NPEPPS: variants seen among roughly 807,000 people sequenced by gnomAD.
NPEPPS encodes the protein aminopeptidase puromycin sensitive.
Under a neutral mutation model 115.5 loss-of-function variants are expected in NPEPPS, and 14 were observed. The ratio of observed to expected loss-of-function variants is 0.12; its 90% CI spans 0.08 to 0.19. NPEPPS has a LOEUF of 0.19. Among genes scored for constraint, NPEPPS ranks in the 10% least tolerant of loss-of-function variants. The pLI, the probability that NPEPPS is intolerant of heterozygous loss-of-function variation, is 1.00. For missense variants in NPEPPS, 523 were observed against 1,110.8 expected (o/e 0.47, Z 7.52); for synonymous variants, 285 against 390.6 (o/e 0.73, Z 3.19).
chr17:47,574,872 T>A (rs1911417549), intron 3 of NPEPPS, among the ~76,000 whole-genome samples: 1 of 152,112 alleles, frequency 6.6e-6, no homozygotes, highest in South Asian at 2.1e-4. Flanking sequence ...TCCTCCCAAA[T>A]GTTGAGATTA....
chr17:47,590,912 G>C, intron 10 of NPEPPS, 31 bp downstream of exon 10: 1 of 1,504,918 alleles, frequency 6.6e-7, no homozygotes, highest in Non-Finnish European at 8.9e-7. Context: ...ATTAGCCTAT[G>C]ACTGCTCTCA....
intron 3 of NPEPPS, among the ~76,000 whole-genome samples, chr17:47,570,248 C>T (rs1279688353): frequency 6.6e-6 from 1 of 152,090 alleles, no homozygotes; most frequent in Non-Finnish European, 1.5e-5. Flanking sequence ...ATGGCAAAAC[C>T]CCATCTCTAC....
At chr17:47,614,540 G>T (rs1297708081) in intron 19 of NPEPPS, among the ~76,000 whole-genome samples, 1 of 152,158 alleles carries the variant, frequency 6.6e-6, no homozygotes, top group African/African-American at 2.4e-5. Context: ...AGTTTTCCCA[G>T]AGTAATTGGC....
intron 2 of NPEPPS, among the ~76,000 whole-genome samples, chr17:47,556,823 T>C (rs1184116611): frequency 6.6e-6 from 1 of 152,190 alleles, no homozygotes; most frequent in East Asian, 1.9e-4. Context: ...TTTGTATTTT[T>C]AGTAGAGATG....
intron 13 of NPEPPS, 82 bp downstream of exon 13, chr17:47,596,544 C>CT (rs1225743971): frequency 1.5e-5 from 12 of 798,268 alleles, no homozygotes; most frequent in East Asian, 3.0e-5. Context: ...CTTTTCTGTA[C>CT]TTTAAGTTTT....
At chr17:47,608,222 AG>A (rs957376713) in intron 17 of NPEPPS, among the ~76,000 whole-genome samples, 7 of 152,258 alleles carry the variant, frequency 4.6e-5, no homozygotes, top group African/African-American at 1.4e-4. Context: ...TGGAAGGCTG[AG>A]GGGGGTGGAA....
chr17:47,603,294 C>T (rs1249911765), intron 15 of NPEPPS, among the ~76,000 whole-genome samples: 1 of 152,094 alleles, frequency 6.6e-6, no homozygotes, highest in East Asian at 1.9e-4. Flanking sequence ...TGCCTGTAAT[C>T]CCAGCTGCTT....
chr17:47,621,149 C>G (rs897600031), intron 22 of NPEPPS, among the ~76,000 whole-genome samples: 2 of 140,262 alleles, frequency 1.4e-5, no homozygotes, highest in Non-Finnish European at 3.0e-5. Flanking sequence ...TCATTGCACT[C>G]TAGCCTGGGC....
rs1216091991 is a variant in NPEPPS at position 47,612,620 on chromosome 17, A to G, written c.2238+18A>G. 1 of 1,608,212 alleles carries G rather than the reference A, an allele frequency of 6.2e-7. No homozygotes were observed. Among genetic ancestry groups the G allele is most frequent in the Admixed American group, 1.7e-5 (1 of 59,448 alleles). On this transcript the variant is annotated intron_variant, in intron 18 of 22. Coordinates refer to ENST00000322157, the MANE Select transcript of NPEPPS (RefSeq NM_006310.4). ...GGAGTCCTGTAGGTTTTCATCATAA[A>G]TTCCCTTGACTTATAGGTAACATCA...
chr17:47,573,015 A>T (rs1911293904), intron 3 of NPEPPS, among the ~76,000 whole-genome samples: 2 of 152,258 alleles, frequency 1.3e-5, no homozygotes, highest in South Asian at 4.1e-4. Context: ...ACCTTAGGTG[A>T]TCTGCCCACT....
intron 1 of NPEPPS, 117 bp downstream of exon 1, chr17:47,531,672 G>T (rs2078216082): frequency 8.0e-7 from 1 of 1,248,258 alleles, no homozygotes; most frequent in Non-Finnish European, 1.0e-6. Flanking sequence ...GGGCTGGGCG[G>T]CCGCAGGGCG....
chr17:47,602,553 G>A (rs1230376571), intron 15 of NPEPPS, among the ~76,000 whole-genome samples: 2 of 149,744 alleles, frequency 1.3e-5, no homozygotes, highest in Non-Finnish European at 1.5e-5. Context: ...CAGGAGAATC[G>A]CTTGAACCCA....
In NPEPPS at chr17:47,540,561, A is replaced by T. The variant is rs1182230013; in HGVS notation, c.256-5348A>T. The stretch of plus-strand genomic sequence containing the variant: ...AGCACATACACTTATGTCCAAACAG[A>T]TATTTTAAATTACCTTCTTGGGGTA... On this transcript the variant is annotated intron_variant, in intron 1 of 22. Transcript: ENST00000322157. Among the ~76,000 whole-genome samples, 5 of 152,344 alleles carry T rather than the reference A, an allele frequency of 3.3e-5. No homozygotes were observed. The South Asian group carries it at 1.0e-3, about 32-fold the overall frequency.
intron 12 of NPEPPS, 61 bp from the exon 13 acceptor site, chr17:47,596,292 T>C (rs2069883806): frequency 9.3e-6 from 10 of 1,075,108 alleles, no homozygotes; most frequent in Middle Eastern, 2.1e-4. Context: ...AAATAAAATT[T>C]CTTTTTTGTT....
intron 1 of NPEPPS, among the ~76,000 whole-genome samples, chr17:47,538,841 T>G (rs1027192945): frequency 6.6e-6 from 1 of 152,204 alleles, no homozygotes; most frequent in Non-Finnish European, 1.5e-5. Context: ...CTGTATCTGT[T>G]CTTTAAAGTT....
intron 1 of NPEPPS, among the ~76,000 whole-genome samples, chr17:47,523,849 T>A (rs527706997): frequency 6.6e-6 from 1 of 152,322 alleles, no homozygotes; most frequent in Non-Finnish European, 1.5e-5. Context: ...TGCTAGGACT[T>A]GTTTTAGGTC....
rs945076398 is a variant in NPEPPS, at chr17:47,603,691, G to T, written c.1741-224G>T. ...TTGTCCCTTCCTTGTTCTTTCTACT[G>T]TCCCTCACTTTGGCCCTCACAATTT... On this transcript the variant is annotated intron_variant, in intron 15 of 22. Coordinates refer to ENST00000322157, the MANE Select transcript of NPEPPS (RefSeq NM_006310.4). 4 of 414,986 alleles carry T rather than the reference G, an allele frequency of 9.6e-6. No homozygotes were observed. The Admixed American group carries it at 1.2e-4, about 13-fold the overall frequency. 25.7% of individuals were successfully genotyped at this position (414,986 alleles called of 1,614,324 possible). A position where few individuals can be genotyped will look rare whatever the true frequency, so the allele number is the denominator to read the frequency against.
chr17:47,617,439 C>G (rs2143980842), intron 19 of NPEPPS, among the ~76,000 whole-genome samples: 1 of 152,104 alleles, frequency 6.6e-6, no homozygotes, highest in East Asian at 1.9e-4. Flanking sequence ...CTCACTGCAA[C>G]CTCCACCTCA....
At position 47,602,118 on chromosome 17, in the gene NPEPPS, A is replaced by G. The variant is rs1913236548; in HGVS notation, c.1740+371A>G. 1.6e-5 allele frequency: 3 copies of G among 183,518 alleles called. No homozygotes were observed. In the Admixed American group the frequency reaches 1.7e-4, roughly 11 times the overall value. 11.4% of individuals were successfully genotyped at this position (183,518 alleles called of 1,614,324 possible). A position where few individuals can be genotyped will look rare whatever the true frequency, so the allele number is the denominator to read the frequency against. ...ATGTGTACTACTGTAATCTAATGAG[A>G]GCAGACATACATAATAATCGGTTCG... On this transcript the variant is annotated intron_variant, in intron 15 of 22. Coordinates refer to ENST00000322157, the MANE Select transcript of NPEPPS (RefSeq NM_006310.4).
Sources: allele counts gnomAD v4.1 joint callset (sites outside exome capture counted in the v4.1 genomes callset), GRCh38; gene constraint gnomAD v4.1.1; transcripts MANE v1.5; gene names NCBI Gene and HGNC (gene_info 2026-07-23, HGNC 2026-07-21).